Variants in SSPN observed in about 807,000 individuals in gnomAD.
SSPN encodes the protein sarcospan, also known as K-ras oncogene-associated protein.
In SSPN, 15 loss-of-function variants were observed where a neutral mutation model predicts 19.1. The ratio of observed to expected loss-of-function variants is 0.78; its 90% confidence interval spans 0.52 to 1.21. The LOEUF (loss-of-function observed/expected upper bound fraction) is 1.21. Ranked by LOEUF, SSPN falls within the 50% of genes most tolerant of loss-of-function variation. The probability of loss-of-function intolerance (pLI) is 0.00; values close to 1 mark genes in which losing one functional copy is unlikely to be tolerated. For synonymous variants in SSPN, 147 were observed against 140.3 expected (o/e 1.05, Z -0.34); for missense variants, 291 against 314.0 (o/e 0.93, Z 0.55).
chr12:26,127,890 G>C (rs1944376065), intron 1 of SSPN, among the ~76,000 whole-genome samples: 1 of 152,192 alleles, frequency 6.6e-6, no homozygotes, highest in South Asian at 2.1e-4. Context: ...TGCGCAAGAA[G>C]GGTGTAACAA....
At chr12:26,126,154 C>A (rs1236195280) in intron 1 of SSPN, 1 of 152,236 alleles carries the variant, frequency 6.6e-6, no homozygotes, top group Non-Finnish European at 1.5e-5. Context: ...CCGGGAATCA[C>A]AGGCCAGCAA....
Position 26,233,663 on chromosome 12 carries a change from AT to A in SSPN, c.*2588del, listed in dbSNP as rs1381280151. 2 of 152,236 alleles carry A rather than the reference AT, an allele frequency of 1.3e-5. No individual in the cohort carries two copies. Among genetic ancestry groups the A allele is most frequent in the African/African-American group, 4.8e-5 (2 of 41,468 alleles). The allele number at this position is 152,236 out of a possible 1,614,324, so 9.4% of individuals were successfully genotyped here. On this transcript the variant is annotated 3_prime_UTR_variant, in exon 3 of 3. Transcript: ENST00000242729. This position sits in a 1 kb window ranked among gnomAD's most constrained non-coding sequence, Gnocchi z 4.3. ...GATACACAGCTTTACACTTAGCAGA[AT>A]GTTACATTTAAAATCTGACAAGGCG... is the stretch of plus-strand genomic sequence containing the variant.
intron 2 of SSPN, among the ~76,000 whole-genome samples, chr12:26,227,089 G>A (rs1945185895): frequency 6.6e-6 from 1 of 152,050 alleles, no homozygotes; most frequent in African/African-American, 2.4e-5. Flanking sequence ...ATATTTGCTC[G>A]GATTCTCAAG....
intron 1 of SSPN, among the ~76,000 whole-genome samples, chr12:26,197,679 C>T (rs1944842050): frequency 6.6e-6 from 1 of 152,200 alleles, no homozygotes; most frequent in Non-Finnish European, 1.5e-5. Flanking sequence ...ACTAAAGCTC[C>T]TGTGGGAGAT....
chr12:26,123,341 G>T (rs1455942430), intron 1 of SSPN, among the ~76,000 whole-genome samples: 1 of 152,174 alleles, frequency 6.6e-6, no homozygotes, highest in African/African-American at 2.4e-5. Context: ...GCGGGGTGGC[G>T]GAGGTGCGGA....
intron 1 of SSPN, among the ~76,000 whole-genome samples, chr12:26,134,729 A>G (rs903958517): frequency 1.3e-5 from 2 of 149,142 alleles, no homozygotes; most frequent in Non-Finnish European, 3.0e-5. Context: ...ATCCCCCACT[A>G]GGACTTTCCT....
At chr12:26,226,531 T>C (rs1402584850) in intron 2 of SSPN, among the ~76,000 whole-genome samples, 1 of 151,322 alleles carries the variant, frequency 6.6e-6, no homozygotes, top group Non-Finnish European at 1.5e-5. Flanking sequence ...GGGACAGCCC[T>C]CTGGGGGTTC....
At chr12:26,225,745 T>TAAAAAAAAAAAAAAAAAAAAA (rs35244146) in intron 2 of SSPN, among the ~76,000 whole-genome samples, 1 of 121,892 alleles carries the variant, frequency 8.2e-6, no homozygotes, top group Non-Finnish European at 1.7e-5. Context: ...GCTTGGTGAT[T>TAAAAAAAAAAAAAAAAAAAAA]AAAAAAAAAA....
chr12:26,124,368 C>T (rs374038416), intron 1 of SSPN: 23 of 893,916 alleles, frequency 2.6e-5, no homozygotes, highest in East Asian at 1.0e-4. Context: ...GTTTAATATC[C>T]CCCTGAGAGT....
At chr12:26,150,296 A>G (rs1291865946) in intron 1 of SSPN, among the ~76,000 whole-genome samples, 2 of 152,206 alleles carry the variant, frequency 1.3e-5, no homozygotes, top group East Asian at 1.9e-4. Flanking sequence ...ACAGCTGGGT[A>G]TTTTGACACT....
chr12:26,222,839 C>T (rs1292985737), intron 1 of SSPN, among the ~76,000 whole-genome samples: 2 of 152,168 alleles, frequency 1.3e-5, no homozygotes, highest in Non-Finnish European at 2.9e-5. Flanking sequence ...GCATGTCCAC[C>T]GTCTTTTTGT....
chr12:26,133,553 T>G (rs1400310277), intron 1 of SSPN, among the ~76,000 whole-genome samples: 2 of 152,238 alleles, frequency 1.3e-5, no homozygotes, highest in Non-Finnish European at 2.9e-5. Flanking sequence ...AATCATAAAC[T>G]TTGGAAAGGC....
chr12:26,124,247 T>G, intron 1 of SSPN: 1 of 940,866 alleles, frequency 1.1e-6, no homozygotes, highest in Non-Finnish European at 1.7e-6. Flanking sequence ...GATATTACCC[T>G]CGTCTGCCCC....
intron 1 of SSPN, among the ~76,000 whole-genome samples, chr12:26,146,580 C>T (rs1944492008): frequency 6.6e-6 from 1 of 152,100 alleles, no homozygotes; most frequent in African/African-American, 2.4e-5. Flanking sequence ...AAACCTTGGC[C>T]TTCAGGCAAA....
intron 1 of SSPN, among the ~76,000 whole-genome samples, chr12:26,137,650 ATATATATTTTTTTTTT>A (rs1457035427): frequency 6.5e-5 from 3 of 46,008 alleles, no homozygotes; most frequent in African/African-American, 3.0e-4. Flanking sequence ...ATATATATAT[ATATATATTTTTTTTTT>A]TTTTTTTTTT....
chr12:26,215,895 G>C (rs1285513939), intron 1 of SSPN, among the ~76,000 whole-genome samples: 1 of 152,110 alleles, frequency 6.6e-6, no homozygotes, highest in Non-Finnish European at 1.5e-5. Flanking sequence ...TTCTTTATGG[G>C]GAAACAAATG....
At chr12:26,230,019 TGAC>T (rs386761339) in intron 2 of SSPN, among the ~76,000 whole-genome samples, 11,700 of 152,228 alleles carry the variant, frequency 0.077, 826 homozygotes, top group African/African-American at 0.19. Flanking sequence ...AAAACCTTGG[TGAC>T]TGAGGAACCA....
chr12:26,169,107 G>A (rs1944639084), intron 1 of SSPN, among the ~76,000 whole-genome samples: 1 of 150,338 alleles, frequency 6.7e-6, no homozygotes. Flanking sequence ...TCTGGGGAGT[G>A]CTTGAAAAGC....
In SSPN at chr12:26,231,187, C is replaced by G; in HGVS notation, c.*111C>G. 7.6e-7 allele frequency: 1 copy of G among 1,312,080 alleles called. No individual in the cohort carries two copies. Among genetic ancestry groups the G allele is most frequent in the Non-Finnish European group, 1.0e-6 (1 of 998,366 alleles). 81.3% of individuals were successfully genotyped at this position (1,312,080 alleles called of 1,614,324 possible). A position where few individuals can be genotyped will look rare whatever the true frequency, so the allele number is the denominator to read the frequency against. On this transcript the variant is annotated 3_prime_UTR_variant, in exon 3 of 3. Transcript: ENST00000242729. ...AAAAAAATTGACAATAAAAGTCACT[C>G]TTCTAATTGAATATTTTTATATTTT...
Sources: gnomAD v4.1 joint callset for allele counts (sites outside exome capture counted in the v4.1 genomes callset) on GRCh38, gnomAD v4.1.1 for gene constraint, Gnocchi (gnomAD v3.1) non-coding constraint, MANE v1.5 for transcripts, NCBI Gene and HGNC (gene_info 2026-07-23, HGNC 2026-07-21) for gene names.